The following DNAH11 variants were observed in gnomAD, a reference collection of about 807,000 sequenced individuals.
The protein encoded by DNAH11 is axonemal beta dynein heavy chain 11.
A neutral mutation model predicts 526.0 loss-of-function variants in DNAH11; 442 were observed. The ratio of observed to expected loss-of-function variants is 0.84; its 90% confidence interval spans 0.78 to 0.91. The LOEUF (loss-of-function observed/expected upper bound fraction) is 0.91. DNAH11 is among the 40% of genes least tolerant of loss of function. The probability of loss-of-function intolerance (pLI) is 0.00; values close to 1 mark genes in which losing one functional copy is unlikely to be tolerated. For synonymous variants in DNAH11, 2,461 were observed against 1,935.9 expected (o/e 1.27, Z -7.12); for missense variants, 6,989 against 5,448.7 (o/e 1.28, Z -8.90).
rs1402280534 is a variant in DNAH11 at position 21,615,192 on chromosome 7, CCAGAGTA to C, written c.3934_3940del (p.Glu1312AsnfsTer3). On this transcript the variant is annotated frameshift_variant, in exon 21 of 82. Coordinates refer to ENST00000409508, the MANE Select transcript of DNAH11 (RefSeq NM_001277115.2). LOFTEE classifies it high-confidence loss of function. ...TACTCGTCTTTTTGAAGTGGCTCTTCCAGAGTACAAACAAATGAAACAGTGTCGCAAA... is the reference window on the plus strand; with the variant it reads ...TACTCGTCTTTTTGAAGTGGCTCTTCCAAACAAATGAAACAGTGTCGCAAA... The C allele has an allele frequency of 6.2e-7, 1 of 1,612,878 alleles. No individual in the cohort carries two copies. Among genetic ancestry groups the C allele is most frequent in the Non-Finnish European group, 8.5e-7 (1 of 1,179,466 alleles).
chr7:21,670,759 A>G (rs1782612885), intron 30 of DNAH11, among the ~76,000 whole-genome samples: 1 of 152,176 alleles, frequency 6.6e-6, no homozygotes, highest in East Asian at 1.9e-4. Context: ...CTCCAATCTC[A>G]TGAGATGACC....
chr7:21,897,764 G>T (rs566917774), intron 79 of DNAH11, among the ~76,000 whole-genome samples: 3 of 152,208 alleles, frequency 2.0e-5, no homozygotes, highest in African/African-American at 7.2e-5. Flanking sequence ...TTACAGGCAT[G>T]TGCCACCATG....
At chr7:21,819,043 CA>C (rs1288897251) in intron 65 of DNAH11, among the ~76,000 whole-genome samples, 2 of 152,108 alleles carry the variant, frequency 1.3e-5, no homozygotes, top group African/African-American at 4.8e-5. Context: ...TCAGGTGCAG[CA>C]ATTGTGTCTT....
At chr7:21,580,268 AC>A (rs1188502507) in intron 8 of DNAH11, among the ~76,000 whole-genome samples, 1 of 152,190 alleles carries the variant, frequency 6.6e-6, no homozygotes, top group Admixed American at 6.5e-5. Context: ...CTATTACTAT[AC>A]TAAGAAGAGG....
chr7:21,900,791 T>C, intron 81 of DNAH11: 1 of 541,128 alleles, frequency 1.8e-6, no homozygotes, highest in Non-Finnish European at 2.9e-6. Flanking sequence ...CAGGAAAGTT[T>C]AACCACTACG....
At chr7:21,690,734 T>C (rs1783580702) in intron 34 of DNAH11, 31 bp from the exon 35 acceptor site, 5 of 1,533,030 alleles carry the variant, frequency 3.3e-6, no homozygotes, top group East Asian at 2.3e-5. Context: ...AATGAACACA[T>C]TTAATTTCAT....
chr7:21,578,107 G>T (rs970527305), intron 8 of DNAH11, among the ~76,000 whole-genome samples: 5 of 152,152 alleles, frequency 3.3e-5, no homozygotes, highest in African/African-American at 1.2e-4. Context: ...AGAGAGCAAA[G>T]GGAGAAGTGC....
At chr7:21,744,642 A>G (rs751707222) in intron 50 of DNAH11, 43 bp downstream of exon 50, 101 of 1,599,088 alleles carry the variant, frequency 6.3e-5, no homozygotes, top group Non-Finnish European at 8.5e-5. Context: ...CTCCAACACC[A>G]ACTGGGTATT....
intron 35 of DNAH11, among the ~76,000 whole-genome samples, chr7:21,692,581 C>T (rs111244482): frequency 1.3e-5 from 2 of 152,322 alleles, no homozygotes; most frequent in African/African-American, 4.8e-5. Flanking sequence ...AGTTGATGGA[C>T]ACTTGGGCTG....
At chr7:21,735,099 A>G (rs1017300390) in intron 45 of DNAH11, among the ~76,000 whole-genome samples, 2 of 151,988 alleles carry the variant, frequency 1.3e-5, no homozygotes, top group Non-Finnish European at 2.9e-5. Context: ...AAGCTCAGGA[A>G]GTCGAGGCTG....
chr7:21,687,973 G>A (rs1317619877), intron 34 of DNAH11, among the ~76,000 whole-genome samples: 2 of 152,164 alleles, frequency 1.3e-5, no homozygotes, highest in Non-Finnish European at 2.9e-5. Context: ...GAGGCAAGAG[G>A]ATTGCTTGAG....
intron 30 of DNAH11, among the ~76,000 whole-genome samples, chr7:21,671,799 C>A (rs776180867): frequency 7.2e-5 from 11 of 152,108 alleles, no homozygotes; most frequent in Non-Finnish European, 1.5e-4. Flanking sequence ...ACTTTTATAA[C>A]TTAAAAAATA....
At chr7:21,852,416 A>AAAAAC (rs1460690998) in intron 66 of DNAH11, 51 bp from the exon 67 acceptor site, 2 of 1,533,392 alleles carry the variant, frequency 1.3e-6, no homozygotes, top group African/African-American at 2.8e-5. Flanking sequence ...AAAAAAAAAA[A>AAAAAC]AAAAAAAGTA....
At chr7:21,579,337 T>G (rs1468295324) in intron 8 of DNAH11, among the ~76,000 whole-genome samples, 2 of 152,214 alleles carry the variant, frequency 1.3e-5, no homozygotes, top group Non-Finnish European at 2.9e-5. Context: ...ATATTGGTAC[T>G]GTAATTGTGA....
chr7:21,781,252 G>A (rs142296687), intron 57 of DNAH11, among the ~76,000 whole-genome samples: 25 of 152,274 alleles, frequency 1.6e-4, no homozygotes, highest in African/African-American at 5.1e-4. Context: ...ACACAGCCAC[G>A]TTTAACATGA....
chr7:21,546,894 A>G (rs1378824973), intron 2 of DNAH11, among the ~76,000 whole-genome samples: 2 of 152,216 alleles, frequency 1.3e-5, no homozygotes, highest in East Asian at 3.8e-4. Flanking sequence ...TGAATGGTTT[A>G]AGAACTGTCA....
intron 2 of DNAH11, among the ~76,000 whole-genome samples, chr7:21,554,071 C>A: frequency 6.6e-6 from 1 of 151,754 alleles, no homozygotes; most frequent in East Asian, 1.9e-4. Context: ...TTTGTTGAAT[C>A]TCCAATGCCT....
chr7:21,627,656 T>C (rs1370646751), intron 25 of DNAH11, among the ~76,000 whole-genome samples: 1 of 152,222 alleles, frequency 6.6e-6, no homozygotes, highest in Non-Finnish European at 1.5e-5. Context: ...ATTATGCCAG[T>C]ACTATGCTGA....
intron 54 of DNAH11, among the ~76,000 whole-genome samples, chr7:21,762,090 G>T (rs1786945950): frequency 6.6e-6 from 1 of 152,098 alleles, no homozygotes; most frequent in Admixed American, 6.5e-5. Flanking sequence ...TCCCTATCAT[G>T]AGAACAGCAT....
Sources: allele counts gnomAD v4.1 joint callset (sites outside exome capture counted in the v4.1 genomes callset), GRCh38; gene constraint gnomAD v4.1.1; transcripts MANE v1.5; gene names NCBI Gene and HGNC (gene_info 2026-07-23, HGNC 2026-07-21).